The following ADAMTS2 variants were observed in gnomAD, a reference collection of about 807,000 sequenced individuals.
ADAMTS2 encodes ADAM metallopeptidase with thrombospondin type 1 motif 2, also known as A disintegrin and metalloproteinase with thrombospondin motifs 2.
In ADAMTS2, 50 loss-of-function variants were observed where a neutral mutation model predicts 123.0. The ratio of observed to expected loss-of-function variants is 0.41; its 90% confidence interval spans 0.32 to 0.51. The LOEUF is 0.51. ADAMTS2 is among the 20% of genes least tolerant of loss of function. The probability of loss-of-function intolerance (pLI) is 0.35; values close to 1 mark genes in which losing one functional copy is unlikely to be tolerated. For synonymous variants in ADAMTS2, 678 were observed against 695.4 expected (o/e 0.98, Z 0.39); for missense variants, 1,494 against 1,705.2 (o/e 0.88, Z 2.18).
intron 2 of ADAMTS2, among the ~76,000 whole-genome samples, chr5:179,335,810 A>AC (rs1757597400): frequency 6.6e-6 from 1 of 152,158 alleles, no homozygotes; most frequent in South Asian, 2.1e-4. Context: ...CTGCTTTCAA[A>AC]CAGCCGCGTG....
Position 179,124,987 on chromosome 5 carries a change from C to T in ADAMTS2, c.2944G>A (p.Gly982Arg), listed in dbSNP as rs1156778092. 6.9e-6 allele frequency: 11 copies of T among 1,605,658 alleles called. No individual in the cohort carries two copies. Among genetic ancestry groups the T allele is most frequent in the Middle Eastern group, 1.7e-4 (1 of 6,054 alleles). The change falls in exon 19 of 22, where the codon GGG becomes AGG. Residue 982 changes from glycine to arginine, a missense_variant. Physicochemically the swap from Gly to Arg is moderately radical, Grantham distance 125. This residue lies in a region of ADAMTS2 where 953 missense variants were observed against 1,124.7 expected (regional missense o/e 0.85). Coordinates refer to ENST00000251582, the MANE Select transcript of ADAMTS2 (RefSeq NM_014244.5). ...GGATTGCGTACCTGGGACCAGGGCC[C>T]GGCTCGCCAACGACCAGGGCAGAGC... ...RELCPGRWRA[G>R]PWSQCSVTCG... is the part of the protein sequence containing the mutation.
chr5:179,290,802 G>A (rs1452636559), intron 2 of ADAMTS2, among the ~76,000 whole-genome samples: 2 of 152,212 alleles, frequency 1.3e-5, no homozygotes, highest in Non-Finnish European at 2.9e-5. Context: ...TCCTGTAGAA[G>A]GTGGTAGGTT....
intron 8 of ADAMTS2, among the ~76,000 whole-genome samples, chr5:179,153,833 C>T (rs978002062): frequency 4.6e-5 from 7 of 152,180 alleles, no homozygotes; most frequent in Non-Finnish European, 2.9e-5. Flanking sequence ...GGGTAGCCGC[C>T]GTGCCCACTT....
chr5:179,189,217 G>T lies in ADAMTS2; in HGVS notation c.892-8062C>A, dbSNP rs1764243530. 1.3e-5 allele frequency among the ~76,000 whole-genome samples: 2 copies of T among 152,222 alleles called. No individual in the cohort carries two copies. Among genetic ancestry groups the T allele is most frequent in the Admixed American group, 1.3e-4 (2 of 15,286 alleles). ...GTCCATGTGAAGAGATCACCAAACAGGCTTTGTGTGAGCAATAAAGCTTTT... is the reference window on the plus strand; with the variant it reads ...GTCCATGTGAAGAGATCACCAAACATGCTTTGTGTGAGCAATAAAGCTTTT... On this transcript the variant is annotated intron_variant, in intron 4 of 21. Transcript: ENST00000251582. The surrounding 1 kb of genome is among the most constrained non-coding windows in gnomAD (Gnocchi z 4.2).
At chr5:179,166,500 C>T (rs1050378258) in intron 5 of ADAMTS2, among the ~76,000 whole-genome samples, 1 of 152,134 alleles carries the variant, frequency 6.6e-6, no homozygotes, top group Non-Finnish European at 1.5e-5. Context: ...GGAAACACTG[C>T]GGGCCCCTGA....
At chr5:179,221,463 C>A (rs1010709180) in intron 3 of ADAMTS2, among the ~76,000 whole-genome samples, 3 of 152,122 alleles carry the variant, frequency 2.0e-5, no homozygotes, top group Non-Finnish European at 4.4e-5. Flanking sequence ...CACTTTCAGT[C>A]GTGGCACCAA....
At position 179,118,182 on chromosome 5, in the gene ADAMTS2, T is replaced by C. The variant is rs1401229568; in HGVS notation, c.3178+3479A>G. 6.6e-6 allele frequency among the ~76,000 whole-genome samples: 1 copy of C among 152,204 alleles called. No individual in the cohort carries two copies. Among genetic ancestry groups the C allele is most frequent in the Non-Finnish European group, 1.5e-5 (1 of 68,042 alleles). On this transcript the variant is annotated intron_variant, in intron 21 of 21. Transcript: ENST00000251582. The surrounding 1 kb of genome is among the most constrained non-coding windows in gnomAD (Gnocchi z 4.5). ...TAAATACAAAATTGAAATAAAATCCTGGCCAAGAGATTGACTATGCAAATA... is the reference window on the plus strand; with the variant it reads ...TAAATACAAAATTGAAATAAAATCCCGGCCAAGAGATTGACTATGCAAATA...
chr5:179,233,667 A>T (rs1765463478), intron 3 of ADAMTS2, among the ~76,000 whole-genome samples: 1 of 152,240 alleles, frequency 6.6e-6, no homozygotes, highest in Non-Finnish European at 1.5e-5. Flanking sequence ...AGCCTGAGTG[A>T]TAGAGTGAGA....
At chr5:179,263,752 C>CAG (rs1300374361) in intron 3 of ADAMTS2, among the ~76,000 whole-genome samples, 3 of 152,212 alleles carry the variant, frequency 2.0e-5, no homozygotes, top group African/African-American at 7.2e-5. Flanking sequence ...GAAGGTGAGA[C>CAG]AGAAGGAGAG....
chr5:179,198,150 G>A (rs1225833586), intron 4 of ADAMTS2, among the ~76,000 whole-genome samples: 4 of 152,188 alleles, frequency 2.6e-5, no homozygotes, highest in African/African-American at 4.8e-5. Context: ...GGGGGCGGGG[G>A]GCGGGCCTGG....
intron 2 of ADAMTS2, among the ~76,000 whole-genome samples, chr5:179,323,510 A>T (rs368318): frequency 0.66 from 100,283 of 152,152 alleles, 33,605 homozygotes; most frequent in African/African-American, 0.71. Context: ...GGCCGTTGGG[A>T]CCTGTCACTG....
intron 2 of ADAMTS2, among the ~76,000 whole-genome samples, chr5:179,301,518 G>T (rs377187458): frequency 8.5e-5 from 13 of 152,190 alleles, no homozygotes; most frequent in East Asian, 3.9e-4. Context: ...GGATCTGCTC[G>T]CACAGGGCTG....
At chr5:179,280,150 G>A (rs537641391) in intron 2 of ADAMTS2, among the ~76,000 whole-genome samples, 1 of 152,328 alleles carries the variant, frequency 6.6e-6, no homozygotes, top group East Asian at 1.9e-4. Context: ...CCCTGGACCT[G>A]GTTTCAGGCC....
rs750522251 is a variant in ADAMTS2, at chr5:179,260,322, C to T, written c.688+12589G>A. On this transcript the variant is annotated intron_variant, in intron 3 of 21. Transcript: ENST00000251582. The surrounding 1 kb of genome is among the most constrained non-coding windows in gnomAD (Gnocchi z 4.2). ...TTCTTTCTTTTCACGGATATTTACG[C>T]ACCAACCGTGTGCCAGGCATTCCTC... is the stretch of plus-strand genomic sequence containing the variant. Among the ~76,000 whole-genome samples, 1 of 152,212 alleles carries T rather than the reference C, an allele frequency of 6.6e-6. No homozygotes were observed.
At chr5:179,207,419 C>CT in intron 4 of ADAMTS2, 94 bp downstream of exon 4, 1 of 1,350,252 alleles carries the variant, frequency 7.4e-7, no homozygotes, top group Admixed American at 1.8e-5. Context: ...TCGGCAGAGC[C>CT]TCAGGGGACC....
At position 179,124,985 on chromosome 5, in the gene ADAMTS2, C is replaced by T; in HGVS notation, c.2946G>A (p.Gly982=). 6.2e-7 allele frequency: 1 copy of T among 1,606,762 alleles called. No individual in the cohort carries two copies. The highest frequency in any genetic ancestry group is 8.5e-7 in the Non-Finnish European group (1 of 1,178,430). Reference sequence around the variant, plus strand: ...GGGGATTGCGTACCTGGGACCAGGGCCCGGCTCGCCAACGACCAGGGCAGA... The same window carrying T: ...GGGGATTGCGTACCTGGGACCAGGGTCCGGCTCGCCAACGACCAGGGCAGA... ...RELCPGRWRA[G]PWSQCSVTCG... is the part of the protein sequence containing the mutation. Residue 982 remains glycine, a synonymous_variant, in exon 19 of 22, where the codon GGG becomes GGA. Transcript: ENST00000251582.
Position 179,185,888 on chromosome 5 carries a change from A to G in ADAMTS2, c.892-4733T>C, listed in dbSNP as rs1472804144. 6.6e-6 allele frequency among the ~76,000 whole-genome samples: 1 copy of G among 151,988 alleles called. No homozygotes were observed. The highest frequency in any genetic ancestry group is 1.9e-4 in the East Asian group (1 of 5,144). ...TGGCTGCTGAGGAGCTAGAGAGGGC[A>G]TGCCTGCAAATGCTCCCAGCAGGTA... On this transcript the variant is annotated intron_variant, in intron 4 of 21. Coordinates refer to ENST00000251582, the MANE Select transcript of ADAMTS2 (RefSeq NM_014244.5). This position sits in a 1 kb window ranked among gnomAD's most constrained non-coding sequence, Gnocchi z 5.9.
rs1047449461 is a variant in ADAMTS2, at chr5:179,185,405, G to A, written c.892-4250C>T. Among the ~76,000 whole-genome samples the A allele has an allele frequency of 2.0e-5, 3 of 152,098 alleles. No individual in the cohort carries two copies. The highest frequency in any genetic ancestry group is 4.4e-5 in the Non-Finnish European group (3 of 68,000). ...GGCTGGGGCTCTGGAAGGGCATTCC[G>A]GCAGCTCCCACAGGGCGGAGGGAGG... On this transcript the variant is annotated intron_variant, in intron 4 of 21. Coordinates refer to ENST00000251582, the MANE Select transcript of ADAMTS2 (RefSeq NM_014244.5). The surrounding 1 kb of genome is among the most constrained non-coding windows in gnomAD (Gnocchi z 5.9).
chr5:179,270,760 A>G lies in ADAMTS2; in HGVS notation c.688+2151T>C, dbSNP rs574665332. Among the ~76,000 whole-genome samples the G allele has an allele frequency of 1.2e-3, 176 of 152,162 alleles. 1 individual carries two copies. The highest frequency in any genetic ancestry group is 4.2e-3 in the African/African-American group (175 of 41,484). ...CCAGTCAGTGTGTCGATCTCAGCCC[A>G]GGGCCACGTGGGAACGATTAGGTGC... On this transcript the variant is annotated intron_variant, in intron 3 of 21. Transcript: ENST00000251582.
Sources: allele counts gnomAD v4.1 joint callset (sites outside exome capture counted in the v4.1 genomes callset), GRCh38; gene constraint gnomAD v4.1.1; regional missense constraint gnomAD v4.1.1; non-coding constraint Gnocchi (gnomAD v3.1); transcripts MANE v1.5; gene names NCBI Gene and HGNC (gene_info 2026-07-23, HGNC 2026-07-21).